The following CSMD1 variants were observed in gnomAD, a reference collection of about 807,000 sequenced individuals.
CSMD1 encodes the protein CUB and sushi domain-containing protein 1.
A neutral mutation model predicts 417.5 loss-of-function variants in CSMD1; 213 were observed. That is an observed-to-expected ratio of 0.51 (90% CI 0.46 to 0.57). The LOEUF is 0.57. Ranked by LOEUF, CSMD1 falls within the 20% of genes least tolerant of loss-of-function variation. The probability of loss-of-function intolerance (pLI) is 0.00; values close to 1 mark genes in which losing one functional copy is unlikely to be tolerated. For missense variants in CSMD1, 6,923 were observed against 4,529.7 expected (o/e 1.53, Z -15.17); for synonymous variants, 2,862 against 1,736.8 (o/e 1.65, Z -16.11).
intron 5 of CSMD1, among the ~76,000 whole-genome samples, chr8:3,986,369 C>T (rs929331790): frequency 6.6e-6 from 1 of 152,116 alleles, no homozygotes; most frequent in African/African-American, 2.4e-5. Context: ...GAGACACCCC[C>T]AGCCAACCTT....
chr8:3,997,491 A>G (rs946217964), intron 5 of CSMD1, among the ~76,000 whole-genome samples: 2 of 152,216 alleles, frequency 1.3e-5, no homozygotes, highest in African/African-American at 4.8e-5. Context: ...CTTCACGAAG[A>G]AAAAGGAAAG....
chr8:3,284,823 G>A (rs895270907), intron 25 of CSMD1, among the ~76,000 whole-genome samples: 3 of 152,190 alleles, frequency 2.0e-5, no homozygotes, highest in African/African-American at 7.2e-5. Flanking sequence ...TTTTCTACCT[G>A]TGTCTGAATG....
chr8:4,179,344 A>G (rs1798227471), intron 3 of CSMD1, among the ~76,000 whole-genome samples: 2 of 152,196 alleles, frequency 1.3e-5, no homozygotes, highest in African/African-American at 4.8e-5. Context: ...TCCCTATTTA[A>G]TAAATGGTGC....
intron 3 of CSMD1, among the ~76,000 whole-genome samples, chr8:4,264,864 T>G (rs2128845492): frequency 6.6e-6 from 1 of 152,346 alleles, no homozygotes; most frequent in South Asian, 2.1e-4. Context: ...GTAAATTAAG[T>G]GCCCTAGGTA....
intron 3 of CSMD1, among the ~76,000 whole-genome samples, chr8:4,150,236 A>G (rs914343423): frequency 3.3e-5 from 5 of 152,176 alleles, no homozygotes; most frequent in African/African-American, 9.7e-5. Flanking sequence ...CCATTTTTCC[A>G]TCATGCACCT....
At chr8:3,717,865 A>T (rs1335888381) in intron 6 of CSMD1, among the ~76,000 whole-genome samples, 1 of 152,142 alleles carries the variant, frequency 6.6e-6, no homozygotes, top group Non-Finnish European at 1.5e-5. Context: ...ACATTACACC[A>T]ATCACCTATC....
At chr8:3,481,130 G>T (rs563338765) in intron 11 of CSMD1, among the ~76,000 whole-genome samples, 1 of 142,978 alleles carries the variant, frequency 7.0e-6, no homozygotes, top group South Asian at 2.3e-4. Flanking sequence ...ACTCCAGCCT[G>T]GGCAACAGAG....
At chr8:4,178,953 C>G (rs1584967083) in intron 3 of CSMD1, among the ~76,000 whole-genome samples, 1 of 152,118 alleles carries the variant, frequency 6.6e-6, no homozygotes. Flanking sequence ...GAAGAACATT[C>G]CATGCTCATG....
At chr8:4,152,518 G>C (rs1049516756) in intron 3 of CSMD1, among the ~76,000 whole-genome samples, 3 of 105,950 alleles carry the variant, frequency 2.8e-5, no homozygotes, top group African/African-American at 1.2e-4. Context: ...TCTCTACAGA[G>C]AGTACCAAAA....
intron 2 of CSMD1, among the ~76,000 whole-genome samples, chr8:4,504,609 T>C (rs1455444919): frequency 1.3e-5 from 2 of 152,134 alleles, no homozygotes; most frequent in Non-Finnish European, 2.9e-5. Context: ...ATTAGGCATT[T>C]GTCCTAACGC....
chr8:4,935,549 T>A (rs1807557221), intron 1 of CSMD1, among the ~76,000 whole-genome samples: 1 of 152,254 alleles, frequency 6.6e-6, no homozygotes, highest in South Asian at 2.1e-4. Context: ...TATAAGGTTA[T>A]ACACTTTTTT....
At chr8:3,305,184 C>G (rs1804735089) in intron 25 of CSMD1, among the ~76,000 whole-genome samples, 1 of 152,156 alleles carries the variant, frequency 6.6e-6, no homozygotes, top group African/African-American at 2.4e-5. Flanking sequence ...TATGCCTGGC[C>G]TATTTATTTC....
intron 1 of CSMD1, among the ~76,000 whole-genome samples, chr8:4,651,157 GA>G (rs1011506226): frequency 1.3e-5 from 2 of 151,816 alleles, no homozygotes; most frequent in Non-Finnish European, 2.9e-5. Context: ...TTTCAACTGA[GA>G]AAAAAAATCA....
intron 1 of CSMD1, among the ~76,000 whole-genome samples, chr8:4,668,611 G>A (rs192320490): frequency 1.9e-4 from 29 of 151,628 alleles, no homozygotes; most frequent in Non-Finnish European, 2.9e-5. Context: ...CACCACGCCT[G>A]GCTAATTTTT....
In CSMD1 at chr8:4,240,358, C is replaced by CAG. The variant is rs533375050; in HGVS notation, c.415+179594_415+179595insCT. ...ATCTTTGCTAAAAAGGAAACTCCTGCATTCTGGCTATGCCCCATTTTGCAG... is the reference window on the plus strand; with the variant it reads ...ATCTTTGCTAAAAAGGAAACTCCTGCAGATTCTGGCTATGCCCCATTTTGCAG... On this transcript the variant is annotated intron_variant, in intron 3 of 69. Coordinates refer to ENST00000635120, the MANE Select transcript of CSMD1 (RefSeq NM_033225.6). 3.3e-4 allele frequency among the ~76,000 whole-genome samples: 51 copies of CAG among 152,344 alleles called. 2 individuals are homozygous for CAG. In the South Asian group the frequency reaches 0.01, roughly 31 times the overall value.
At chr8:4,284,698 A>C (rs1053429033) in intron 3 of CSMD1, among the ~76,000 whole-genome samples, 7 of 152,056 alleles carry the variant, frequency 4.6e-5, no homozygotes, top group African/African-American at 1.7e-4. Context: ...TAAAACACTA[A>C]AATTTGGATT....
chr8:4,413,684 C>G (rs377412475), intron 3 of CSMD1, among the ~76,000 whole-genome samples: 79 of 152,144 alleles, frequency 5.2e-4, no homozygotes, highest in African/African-American at 1.9e-3. Flanking sequence ...AAGAACTTAC[C>G]CAGTGAGTAT....
At chr8:3,885,514 G>T (rs1032896740) in intron 5 of CSMD1, among the ~76,000 whole-genome samples, 1 of 152,226 alleles carries the variant, frequency 6.6e-6, no homozygotes, top group African/African-American at 2.4e-5. Flanking sequence ...TCTCTAGATG[G>T]TCTGTTGTCT....
chr8:4,083,014 T>C (rs1402199954), intron 3 of CSMD1, among the ~76,000 whole-genome samples: 2 of 152,026 alleles, frequency 1.3e-5, no homozygotes, highest in African/African-American at 4.8e-5. Context: ...CAGTCTATCA[T>C]TGTTGGACAT....
Sources: gnomAD v4.1 joint callset for allele counts (sites outside exome capture counted in the v4.1 genomes callset) on GRCh38, gnomAD v4.1.1 for gene constraint, MANE v1.5 for transcripts, NCBI Gene and HGNC (gene_info 2026-07-23, HGNC 2026-07-21) for gene names.